ASNS: variants seen among roughly 807,000 people sequenced by gnomAD.
ASNS encodes the protein asparagine synthetase (glutamine-hydrolyzing).
In ASNS, 37 loss-of-function variants were observed where a neutral mutation model predicts 62.6. The ratio of observed to expected loss-of-function variants is 0.59; its 90% CI spans 0.45 to 0.78. The LOEUF is 0.78. ASNS is among the 30% of genes least tolerant of loss of function. The pLI is 0.00. For missense variants in ASNS, 520 were observed against 682.4 expected (o/e 0.76, Z 2.65); for synonymous variants, 207 against 237.9 (o/e 0.87, Z 1.19).
intron 3 of ASNS, among the ~76,000 whole-genome samples, chr7:97,867,554 TATTTC>T (rs901510457): frequency 1.8e-4 from 27 of 152,354 alleles, no homozygotes; most frequent in African/African-American, 6.5e-4. Context: ...GGGCACTTCC[TATTTC>T]ATTTAAGGGG....
chr7:97,867,094 CT>C (rs1792015188), intron 3 of ASNS, among the ~76,000 whole-genome samples: 2 of 131,320 alleles, frequency 1.5e-5, no homozygotes, highest in South Asian at 4.6e-4. Context: ...AATGCTGCAC[CT>C]TAAATAAAAG....
At chr7:97,887,679 C>A in the ASNS span, among the ~76,000 whole-genome samples, 27 of 152,318 alleles carry the variant, frequency 1.8e-4, no homozygotes, top group African/African-American at 5.8e-4. Flanking sequence ...CATGCTCATG[C>A]TAGATTGACC....
the ASNS span, among the ~76,000 whole-genome samples, chr7:97,901,703 C>T: frequency 5.4e-4 from 82 of 152,228 alleles, no homozygotes; most frequent in Admixed American, 3.9e-4. Context: ...TGGGCCCAGG[C>T]GCAGTGGCTC....
At chr7:97,907,880 A>G in the ASNS span, among the ~76,000 whole-genome samples, 2 of 152,220 alleles carry the variant, frequency 1.3e-5, no homozygotes, top group African/African-American at 4.8e-5. Flanking sequence ...CCCAATTAAA[A>G]TAGGCAAAAG....
chr7:97,890,404 A>C, the ASNS span, among the ~76,000 whole-genome samples: 1 of 152,238 alleles, frequency 6.6e-6, no homozygotes, highest in African/African-American at 2.4e-5. Flanking sequence ...CAAAAGACAA[A>C]GAGAAAATGC....
chr7:97,882,689 C>A, the ASNS span, among the ~76,000 whole-genome samples: 1 of 152,020 alleles, frequency 6.6e-6, no homozygotes, highest in Non-Finnish European at 1.5e-5. Context: ...CCATTGACTT[C>A]CCTCCGCCAA....
At chr7:97,900,378 A>AC in the ASNS span, among the ~76,000 whole-genome samples, 4 of 150,254 alleles carry the variant, frequency 2.7e-5, no homozygotes, top group Non-Finnish European at 4.4e-5. Context: ...AAAAAAAAAA[A>AC]AAAAAACAGA....
In ASNS at chr7:97,859,239, T is replaced by C. The variant is rs749132326; in HGVS notation, c.647A>G (p.Tyr216Cys). The C allele has an allele frequency of 3.7e-5, 59 of 1,613,444 alleles. No homozygotes were observed. The highest frequency in any genetic ancestry group is 8.3e-5 in the Admixed American group (5 of 59,900). ...HCRDVPLHAL[Y>C]DNVEKLFPGF... ...TGGAAAGAGTTTCTCCACATTGTCA[T>C]AGAGGGCGTGCAGGGGTACATCCCG... The change falls in exon 5 of 13, where the codon TAT becomes TGT. Residue 216 changes from tyrosine (Y) to cysteine (C), a missense_variant. Transcript: ENST00000394308.
At chr7:97,903,083 AG>A in the ASNS span, among the ~76,000 whole-genome samples, 1 of 152,170 alleles carries the variant, frequency 6.6e-6, no homozygotes, top group Non-Finnish European at 1.5e-5. Flanking sequence ...GAAATTGCTG[AG>A]CCAAAATGTC....
chr7:97,914,189 TG>T, the ASNS span, among the ~76,000 whole-genome samples: 1 of 151,004 alleles, frequency 6.6e-6, no homozygotes, highest in Non-Finnish European at 1.5e-5. Context: ...GATGGATGGA[TG>T]GATGGATGGA....
At chr7:97,868,503 A>C (rs1463532141) in intron 3 of ASNS, among the ~76,000 whole-genome samples, 1 of 137,910 alleles carries the variant, frequency 7.3e-6, no homozygotes, top group Non-Finnish European at 1.5e-5. Context: ...GTACTCTCAA[A>C]TGATTCAGCA....
At chr7:97,917,881 A>G in the ASNS span, among the ~76,000 whole-genome samples, 1 of 152,242 alleles carries the variant, frequency 6.6e-6, no homozygotes, top group East Asian at 1.9e-4. Flanking sequence ...TGCTCTCAAC[A>G]GTGATCTCAC....
chr7:97,864,650 G>A (rs1001428182), intron 3 of ASNS, among the ~76,000 whole-genome samples, 154 bp from the exon 4 acceptor site: 16 of 152,174 alleles, frequency 1.1e-4, no homozygotes, highest in African/African-American at 3.4e-4. Context: ...ACTATGGTTC[G>A]CTTCAACTCA....
At chr7:97,902,681 A>G in the ASNS span, among the ~76,000 whole-genome samples, 1 of 152,204 alleles carries the variant, frequency 6.6e-6, no homozygotes, top group Admixed American at 6.5e-5. Context: ...TGATGGTGCC[A>G]CTGTGCTCCA....
chr7:97,854,733 T>G (rs777675179), intron 9 of ASNS, 53 bp from the exon 10 acceptor site: 1 of 1,611,382 alleles, frequency 6.2e-7, no homozygotes, highest in Non-Finnish European at 8.5e-7. Flanking sequence ...ACAAAGCAGT[T>G]TTTCTTTCTC....
the ASNS span, chr7:97,885,985 A>T: frequency 3.3e-6 from 2 of 606,112 alleles, no homozygotes; most frequent in South Asian, 3.0e-5. Flanking sequence ...GGGAGGCCAC[A>T]TGCCCATGAT....
At chr7:97,857,771 C>A (rs190620988) in intron 7 of ASNS, among the ~76,000 whole-genome samples, 367 of 152,160 alleles carry the variant, frequency 2.4e-3, no homozygotes, top group African/African-American at 8.1e-3. Flanking sequence ...TGTGCCACTG[C>A]ACCTGACTTA....
At chr7:97,904,720 A>C in the ASNS span, among the ~76,000 whole-genome samples, 1 of 32,682 alleles carries the variant, frequency 3.1e-5, no homozygotes, top group Non-Finnish European at 7.3e-5. Flanking sequence ...ATGGCATTTC[A>C]TAAAAGAGAA....
chr7:97,853,153 C>G lies in ASNS; in HGVS notation c.1383G>C (p.Glu461Asp). Residue 461 changes from glutamate (E) to aspartate (D), a missense_variant, in exon 12 of 13, where the codon GAG (glutamate) becomes GAC (aspartate). Transcript: ENST00000394308. ...TFEDSNLIPK[E>D]ILWRPKEAFS... is the part of the protein sequence containing the mutation. ...AGGCTTCTTTTGGTCGCCAGAGAAT[C>G]TCTTTGGGTATCAGATTGGAATCCT... 1 of 1,612,040 alleles carries G rather than the reference C, an allele frequency of 6.2e-7. No individual in the cohort carries two copies. The highest frequency in any genetic ancestry group is 1.3e-5 in the African/African-American group (1 of 74,920).
Sources: allele counts gnomAD v4.1 joint callset (sites outside exome capture counted in the v4.1 genomes callset), GRCh38; gene constraint gnomAD v4.1.1; transcripts MANE v1.5; gene names NCBI Gene and HGNC (gene_info 2026-07-23, HGNC 2026-07-21).